The following UNC13C variants were observed in gnomAD, a reference collection of about 807,000 sequenced individuals.
UNC13C encodes unc-13 homolog C.
UNC13C carries 174 observed loss-of-function variants against 245.4 expected under a neutral mutation model. That is an observed-to-expected ratio of 0.71 (90% confidence interval 0.63 to 0.80). The LOEUF is 0.80. Ranked by LOEUF, UNC13C falls within the 30% of genes least tolerant of loss-of-function variation. The pLI is 0.00. For missense variants in UNC13C, 2,829 were observed against 2,602.9 expected (o/e 1.09, Z -1.89); for synonymous variants, 992 against 895.1 (o/e 1.11, Z -1.93).
intron 1 of UNC13C, among the ~76,000 whole-genome samples, chr15:53,982,805 T>C (rs186101250): frequency 6.6e-6 from 1 of 152,284 alleles, no homozygotes; most frequent in Admixed American, 6.5e-5. Context: ...TAGATGTTCA[T>C]GAAGATCGCT....
intron 19 of UNC13C, among the ~76,000 whole-genome samples, chr15:54,447,369 C>T (rs1890876194): frequency 6.6e-6 from 1 of 152,130 alleles, no homozygotes; most frequent in Non-Finnish European, 1.5e-5. Flanking sequence ...CCTTGTACCT[C>T]TGGTAGAATT....
At chr15:54,128,511 A>T (rs2031200372) in intron 2 of UNC13C, among the ~76,000 whole-genome samples, 1 of 152,106 alleles carries the variant, frequency 6.6e-6, no homozygotes, top group African/African-American at 2.4e-5. Flanking sequence ...GTCTTTCCTC[A>T]TTCCCTTTGA....
Position 54,416,073 on chromosome 15 carries a change from A to G in UNC13C, c.4933+1006A>G, listed in dbSNP as rs955319460. Among the ~76,000 whole-genome samples the G allele has an allele frequency of 2.0e-5, 3 of 152,338 alleles. No homozygotes were observed. In the East Asian group the frequency reaches 5.8e-4, roughly 29 times the overall value. On this transcript the variant is annotated intron_variant, in intron 19 of 32. Coordinates refer to ENST00000260323, the MANE Select transcript of UNC13C (RefSeq NM_001080534.3). ...CCCAATGATCAAGAAAGAGGTAGCA[A>G]GAAGTAAGACAGGAGAAATTAGCAG...
At chr15:54,135,249 G>A in intron 2 of UNC13C, among the ~76,000 whole-genome samples, 1 of 152,038 alleles carries the variant, frequency 6.6e-6, no homozygotes, top group Non-Finnish European at 1.5e-5. Flanking sequence ...CCCATTTCAC[G>A]GTTTCCTTTT....
At chr15:54,315,309 G>T (rs1182113138) in intron 13 of UNC13C, among the ~76,000 whole-genome samples, 2 of 151,426 alleles carry the variant, frequency 1.3e-5, no homozygotes, top group Admixed American at 6.6e-5. Flanking sequence ...TATTAACATT[G>T]ATCTTGCTAA....
At chr15:54,047,946 G>T (rs114561476) in intron 2 of UNC13C, among the ~76,000 whole-genome samples, 32 of 152,128 alleles carry the variant, frequency 2.1e-4, no homozygotes, top group African/African-American at 6.5e-4. Flanking sequence ...CAGGCATATC[G>T]TAAGTATACC....
chr15:54,143,140 TG>T, intron 3 of UNC13C, 100 bp downstream of exon 3: 1 of 1,138,038 alleles, frequency 8.8e-7, no homozygotes, highest in South Asian at 1.3e-5. Flanking sequence ...GTTTTAGTTT[TG>T]AAATGTGCAT....
intron 19 of UNC13C, among the ~76,000 whole-genome samples, chr15:54,474,448 T>A (rs1374618729): frequency 6.7e-6 from 1 of 149,410 alleles, no homozygotes; most frequent in Middle Eastern, 3.4e-3. Flanking sequence ...TTTTTTCATA[T>A]ACCAGTTGGA....
intron 30 of UNC13C, among the ~76,000 whole-genome samples, chr15:54,593,587 T>C (rs777325906): frequency 2.2e-4 from 33 of 152,286 alleles, no homozygotes; most frequent in Non-Finnish European, 3.4e-4. Flanking sequence ...ATCTTTGAGC[T>C]CTGAATTTCT....
the UNC13C span, among the ~76,000 whole-genome samples, chr15:53,962,980 T>C: frequency 1.0e-3 from 157 of 152,292 alleles, 1 homozygote; most frequent in African/African-American, 3.7e-3. Flanking sequence ...GAAATCATAA[T>C]AGAGAATATT....
the UNC13C span, among the ~76,000 whole-genome samples, chr15:53,887,325 G>A: frequency 6.6e-6 from 1 of 152,044 alleles, no homozygotes; most frequent in Non-Finnish European, 1.5e-5. Context: ...TATTTAATAT[G>A]TTTATTCTTT....
At chr15:53,871,889 T>TAC in the UNC13C span, among the ~76,000 whole-genome samples, 34 of 152,080 alleles carry the variant, frequency 2.2e-4, no homozygotes, top group African/African-American at 8.2e-4. Flanking sequence ...CTTCAACTTG[T>TAC]ACACACACAC....
In UNC13C at chr15:54,014,575, C is replaced by T; in HGVS notation, c.1672C>T (p.Gln558Ter). 6.2e-7 allele frequency: 1 copy of T among 1,613,690 alleles called. No homozygotes were observed. Among genetic ancestry groups the T allele is most frequent in the Non-Finnish European group, 8.5e-7 (1 of 1,179,798 alleles). Residue 558 changes from glutamine (Q) to a stop codon, truncating the protein, a stop_gained, in exon 2 of 33, where the codon CAG (glutamine) becomes TAG (stop). Coordinates refer to ENST00000260323, the MANE Select transcript of UNC13C (RefSeq NM_001080534.3). LOFTEE classifies it high-confidence loss of function. ...RSESDFSKLC[Q>*]SYSEDFSENQ... ...TGAATCAGATTTTTCCAAATTGTGTCAGTCTTACTCAGAAGATTTTTCAGA... is the reference window on the plus strand; with the variant it reads ...TGAATCAGATTTTTCCAAATTGTGTTAGTCTTACTCAGAAGATTTTTCAGA...
intron 4 of UNC13C, among the ~76,000 whole-genome samples, chr15:54,188,082 T>C (rs2034057762): frequency 6.6e-6 from 1 of 152,202 alleles, no homozygotes; most frequent in Non-Finnish European, 1.5e-5. Context: ...CCTCCCAAAG[T>C]GCTGGGATTA....
the UNC13C span, among the ~76,000 whole-genome samples, chr15:53,860,928 T>G: frequency 6.6e-6 from 1 of 152,222 alleles, no homozygotes; most frequent in Non-Finnish European, 1.5e-5. Flanking sequence ...TCTTTGCTGC[T>G]GAAATAGGTT....
intron 2 of UNC13C, among the ~76,000 whole-genome samples, chr15:54,118,681 G>A (rs556251933): frequency 6.6e-5 from 10 of 152,138 alleles, no homozygotes; most frequent in African/African-American, 2.2e-4. Context: ...GTATTATATT[G>A]GATAAAAGTG....
At chr15:54,234,909 G>A (rs918126126) in intron 4 of UNC13C, 121 bp from the exon 5 acceptor site, 8 of 802,916 alleles carry the variant, frequency 1.0e-5, no homozygotes, top group South Asian at 3.6e-5. Flanking sequence ...TTTGTGAATC[G>A]TTTGAAAACT....
intron 4 of UNC13C, among the ~76,000 whole-genome samples, chr15:54,146,633 G>T (rs1311035652): frequency 1.3e-5 from 2 of 152,166 alleles, no homozygotes; most frequent in Non-Finnish European, 2.9e-5. Context: ...GAGAAAGTAG[G>T]AAAGATACAT....
At chr15:54,116,511 G>A (rs560764036) in intron 2 of UNC13C, among the ~76,000 whole-genome samples, 65 of 152,204 alleles carry the variant, frequency 4.3e-4, no homozygotes, top group South Asian at 2.1e-3. Flanking sequence ...TCTCATAGAT[G>A]AGTGAGAACA....
Sources: gnomAD v4.1 joint callset for allele counts (sites outside exome capture counted in the v4.1 genomes callset) on GRCh38, gnomAD v4.1.1 for gene constraint, MANE v1.5 for transcripts, NCBI Gene and HGNC (gene_info 2026-07-23, HGNC 2026-07-21) for gene names.